Variants in DHX15 observed in about 807,000 individuals in gnomAD.
DHX15 encodes the protein DEAH-box helicase 15.
In DHX15, 11 loss-of-function variants were observed where a neutral mutation model predicts 94.4. The observed-to-expected ratio is 0.12, with a 90% confidence interval of 0.07 to 0.19. The LOEUF is 0.19. Among genes scored for constraint, DHX15 ranks in the 10% least tolerant of loss-of-function variants. The pLI is 1.00. For missense variants in DHX15, 304 were observed against 988.5 expected, an observed-to-expected ratio of 0.31 and a Z score of 9.29; for synonymous variants, 338 against 329.9, an observed-to-expected ratio of 1.02 and a Z score of -0.27.
chr4:24,583,616 T>C (rs1160886811), intron 1 of DHX15, among the ~76,000 whole-genome samples: 2 of 152,144 alleles, frequency 1.3e-5, no homozygotes, highest in Non-Finnish European at 1.5e-5. Context: ...AGTGTTTGAA[T>C]GGACCAAGGC....
At chr4:24,559,256 G>C (rs1721809998) in intron 3 of DHX15, among the ~76,000 whole-genome samples, 1 of 151,010 alleles carries the variant, frequency 6.6e-6, no homozygotes, top group Non-Finnish European at 1.5e-5. Flanking sequence ...AGCTAGGAGA[G>C]AATCATGAAA....
intron 1 of DHX15, among the ~76,000 whole-genome samples, chr4:24,581,821 A>G (rs1277800412): frequency 6.6e-6 from 1 of 152,188 alleles, no homozygotes; most frequent in Non-Finnish European, 1.5e-5. Flanking sequence ...TATAGTGAAG[A>G]TTCTGTGGGT....
chr4:24,557,976 A>G (rs1721774264), intron 3 of DHX15, among the ~76,000 whole-genome samples: 1 of 111,182 alleles, frequency 9.0e-6, no homozygotes, highest in African/African-American at 2.9e-5. Flanking sequence ...TTGATTTGCA[A>G]GGCAAAAAAA....
intron 3 of DHX15, among the ~76,000 whole-genome samples, chr4:24,557,710 A>T (rs1294511202): frequency 6.6e-6 from 1 of 152,170 alleles, no homozygotes; most frequent in African/African-American, 2.4e-5. Context: ...AGACCAGGAA[A>T]GAAAAAACAC....
chr4:24,550,022 C>T (rs956087328), intron 5 of DHX15, among the ~76,000 whole-genome samples: 5 of 135,486 alleles, frequency 3.7e-5, no homozygotes, highest in South Asian at 2.5e-4. Flanking sequence ...GAACCCGGGA[C>T]GCAGGAGGTT....
chr4:24,553,228 G>A (rs995526728), intron 5 of DHX15, among the ~76,000 whole-genome samples: 1 of 152,170 alleles, frequency 6.6e-6, no homozygotes, highest in Non-Finnish European at 1.5e-5. Flanking sequence ...GGCTGAGGCA[G>A]GAGAATCACC....
At chr4:24,580,231 G>A (rs1207340515) in intron 1 of DHX15, among the ~76,000 whole-genome samples, 1 of 152,088 alleles carries the variant, frequency 6.6e-6, no homozygotes, top group African/African-American at 2.4e-5. Flanking sequence ...AATACAGTGA[G>A]ACCCCATCTC....
In DHX15 at chr4:24,548,783, A is replaced by G. The variant is rs558723348; in HGVS notation, c.1248+72T>C. ...ACAATCACCCATAACTTAGTCCTTT[A>G]TAACTGAATACAGTTTATATCTCAT... is the stretch of plus-strand genomic sequence containing the variant. On this transcript the variant is annotated intron_variant, in intron 6 of 13. Coordinates refer to ENST00000336812, the MANE Select transcript of DHX15 (RefSeq NM_001358.3). 6.4e-6 allele frequency: 9 copies of G among 1,416,594 alleles called. No individual in the cohort carries two copies. The East Asian group carries it at 7.3e-5, about 12-fold the overall frequency. 87.8% of individuals were successfully genotyped at this position (1,416,594 alleles called of 1,614,324 possible). A position where few individuals can be genotyped will look rare whatever the true frequency, so the allele number is the denominator to read the frequency against.
chr4:24,556,626 A>T (rs1254493887), intron 3 of DHX15, among the ~76,000 whole-genome samples: 1 of 152,210 alleles, frequency 6.6e-6, no homozygotes, highest in Non-Finnish European at 1.5e-5. Flanking sequence ...TCAATTCTTG[A>T]AAAATGTAAT....
chr4:24,560,580 A>C (rs1349713190), intron 3 of DHX15, among the ~76,000 whole-genome samples: 2 of 152,186 alleles, frequency 1.3e-5, no homozygotes, highest in Non-Finnish European at 2.9e-5. Flanking sequence ...CAAGGTGCTA[A>C]TTCTGTTATA....
At chr4:24,532,170 C>T (rs1222292793) in intron 12 of DHX15, among the ~76,000 whole-genome samples, 1 of 152,208 alleles carries the variant, frequency 6.6e-6, no homozygotes, top group African/African-American at 2.4e-5. Context: ...TAACTGTTCA[C>T]AGTATTTACT....
intron 2 of DHX15, among the ~76,000 whole-genome samples, chr4:24,572,619 A>G (rs1344525864): frequency 6.6e-6 from 1 of 152,010 alleles, no homozygotes; most frequent in Non-Finnish European, 1.5e-5. Context: ...AATTGCTAAA[A>G]TATTAATTCC....
intron 10 of DHX15, among the ~76,000 whole-genome samples, chr4:24,539,471 C>T (rs1340694762): frequency 6.6e-6 from 1 of 152,062 alleles, no homozygotes; most frequent in Non-Finnish European, 1.5e-5. Flanking sequence ...TTACTAAAAA[C>T]AGCATTATTT....
intron 6 of DHX15, among the ~76,000 whole-genome samples, chr4:24,543,584 C>T (rs1049073472): frequency 2.0e-5 from 3 of 152,066 alleles, no homozygotes; most frequent in Non-Finnish European, 2.9e-5. Context: ...ATGGTCTCAA[C>T]GGGATGACAT....
At chr4:24,550,905 T>C (rs1447742606) in intron 5 of DHX15, among the ~76,000 whole-genome samples, 1 of 152,234 alleles carries the variant, frequency 6.6e-6, no homozygotes, top group Non-Finnish European at 1.5e-5. Context: ...TTGTTTGAAC[T>C]AGCATCATCA....
At chr4:24,528,694 T>C (rs1721012594) in intron 13 of DHX15, among the ~76,000 whole-genome samples, 1 of 152,156 alleles carries the variant, frequency 6.6e-6, no homozygotes, top group South Asian at 2.1e-4. Flanking sequence ...ATAGAATAGA[T>C]TCTGGCATAA....
intron 13 of DHX15, among the ~76,000 whole-genome samples, chr4:24,529,237 C>T (rs1398429529): frequency 6.6e-6 from 1 of 152,076 alleles, no homozygotes; most frequent in South Asian, 2.1e-4. Context: ...TGGATTCTGG[C>T]TATATTGCAC....
chr4:24,579,322 G>A (rs1464733411), intron 1 of DHX15, among the ~76,000 whole-genome samples: 1 of 152,202 alleles, frequency 6.6e-6, no homozygotes, highest in African/African-American at 2.4e-5. Flanking sequence ...GAGAGAGGGA[G>A]TACAAATGAA....
Position 24,553,985 on chromosome 4 carries a change from G to A in DHX15, c.1080+740C>T, listed in dbSNP as rs190341236. Among the ~76,000 whole-genome samples, 60 of 152,252 alleles carry A rather than the reference G, an allele frequency of 3.9e-4. 1 individual carries two copies. The East Asian group carries it at 8.7e-3, about 22-fold the overall frequency. Reference sequence around the variant, plus strand: ...TGTAATCCCAGCACTTTGGGAGGCCGAGGAGAGTGGATCACGAGGTCAGGA... The same window carrying A: ...TGTAATCCCAGCACTTTGGGAGGCCAAGGAGAGTGGATCACGAGGTCAGGA... On this transcript the variant is annotated intron_variant, in intron 5 of 13. Coordinates refer to ENST00000336812, the MANE Select transcript of DHX15 (RefSeq NM_001358.3).
Sources: allele counts gnomAD v4.1 joint callset (sites outside exome capture counted in the v4.1 genomes callset), GRCh38; gene constraint gnomAD v4.1.1; transcripts MANE v1.5; gene names NCBI Gene and HGNC (gene_info 2026-07-23, HGNC 2026-07-21).